SEC16B: variants seen among roughly 807,000 people sequenced by gnomAD.
The protein encoded by SEC16B is protein transport protein Sec16B.
A neutral mutation model predicts 141.8 loss-of-function variants in SEC16B; 115 were observed. The ratio of observed to expected loss-of-function variants is 0.81; its 90% CI spans 0.70 to 0.95. SEC16B has a LOEUF of 0.95. Among genes scored for constraint, SEC16B ranks in the 40% least tolerant of loss-of-function variants. The pLI, the probability that SEC16B is intolerant of heterozygous loss-of-function variation, is 0.00. For missense variants in SEC16B, 1,291 were observed against 1,312.3 expected, an observed-to-expected ratio of 0.98 and a Z score of 0.25; for synonymous variants, 493 against 492.5, an observed-to-expected ratio of 1.00 and a Z score of -0.01.
intron 14 of SEC16B, chr1:177,945,916 G>A (rs763932871): frequency 2.2e-4 from 44 of 203,642 alleles, no homozygotes; most frequent in Non-Finnish European, 4.1e-4. Flanking sequence ...TAATGCTATG[G>A]CCAACAGAGA....
chr1:177,974,108 G>A (rs914272577), upstream of SEC16B, among the ~76,000 whole-genome samples: 1 of 147,806 alleles, frequency 6.8e-6, no homozygotes, highest in African/African-American at 2.6e-5. Context: ...TCAGGCTGTG[G>A]AGATGAAATG....
upstream of SEC16B, among the ~76,000 whole-genome samples, chr1:177,971,213 C>T (rs10798589): frequency 0.14 from 21,960 of 151,950 alleles, 1,912 homozygotes; most frequent in East Asian, 0.41. Flanking sequence ...TCCCGAGTAG[C>T]TGGGATTACA....
chr1:177,970,845 T>C (rs1373024920), upstream of SEC16B, among the ~76,000 whole-genome samples: 1 of 152,200 alleles, frequency 6.6e-6, no homozygotes, highest in African/African-American at 2.4e-5. Flanking sequence ...GTTTATTCTT[T>C]CTCTCAACAA....
chr1:177,968,163 T>G, intron 1 of SEC16B, 124 bp from the exon 2 acceptor site: 1 of 519,964 alleles, frequency 1.9e-6, no homozygotes, highest in Non-Finnish European at 3.3e-6. Flanking sequence ...AACCATATGG[T>G]CACGGATACA....
rs530095207 is a variant in SEC16B at position 177,936,421 on chromosome 1, T to C, written c.2504-56A>G. 169 of 1,454,332 alleles carry C rather than the reference T, an allele frequency of 1.2e-4. 1 individual carries two copies. The South Asian group carries it at 1.9e-3, about 17-fold the overall frequency. 90.1% of individuals were successfully genotyped at this position (1,454,332 alleles called of 1,614,324 possible). On this transcript the variant is annotated intron_variant, in intron 19 of 25. Coordinates refer to ENST00000308284, the MANE Select transcript of SEC16B (RefSeq NM_033127.4). ...TTGGAAGTTGTGCTTTTCCCATCTA[T>C]CCTGAAGAAGGGTAACTGGGACACA...
At chr1:177,984,139 C>T (rs946106547) in intron 1 of SEC16B, 2 of 152,132 alleles carry the variant, frequency 1.3e-5, no homozygotes, top group African/African-American at 2.4e-5. Flanking sequence ...AACTGTATTC[C>T]CTCTTAGCAT....
chr1:177,975,874 C>G (rs750660901), intron 1 of SEC16B, among the ~76,000 whole-genome samples: 7 of 152,214 alleles, frequency 4.6e-5, no homozygotes, highest in Non-Finnish European at 5.9e-5. Flanking sequence ...GACTCCAGCC[C>G]CTTGCTTCAG....
At chr1:177,969,858 A>C (rs940912241) in intron 1 of SEC16B, 26 bp downstream of exon 1, 3 of 152,174 alleles carry the variant, frequency 2.0e-5, no homozygotes, top group African/African-American at 7.2e-5. Flanking sequence ...AAGAGGGGAA[A>C]GAAGGGAGCG....
Position 177,932,502 on chromosome 1 carries a change from C to T in SEC16B, c.3000G>A (p.Leu1000=), listed in dbSNP as rs1650504384. 1.3e-6 allele frequency: 2 copies of T among 1,546,208 alleles called. No homozygotes were observed. The highest frequency in any genetic ancestry group is 1.7e-6 in the Non-Finnish European group (2 of 1,144,992). The part of the protein sequence containing the change: ...GAAAGAGVGG[L]SGPESVSFEL... ...GGGGGCCGCTTACCTCTGGTCCAGA[C>T]AAGCCTCCAACCCCAGCGCCCGCAG... Residue 1000 remains leucine, a synonymous_variant, in exon 24 of 26, where the codon TTG becomes TTA. Transcript: ENST00000308284.
rs183052044 is a variant in SEC16B at position 177,933,576 on chromosome 1, C to A, written c.2632G>T (p.Asp878Tyr). Residue 878 changes from aspartate to tyrosine, a missense_variant, in exon 21 of 26, where the codon GAT becomes TAT. Transcript: ENST00000308284. ...SESSASSAKE[D>Y]EKESSDEADK... ...GCCTCATCAGAGGACTCCTTCTCATCCTCCTTGGCTGAACTGGCGGAACTC... is the reference window on the plus strand; with the variant it reads ...GCCTCATCAGAGGACTCCTTCTCATACTCCTTGGCTGAACTGGCGGAACTC... The A allele has an allele frequency of 2.5e-6, 4 of 1,614,030 alleles. No homozygotes were observed. The highest frequency in any genetic ancestry group is 3.4e-6 in the Non-Finnish European group (4 of 1,179,886).
Position 177,944,695 on chromosome 1 carries a change from A to G in SEC16B, c.1776-29T>C, listed in dbSNP as rs369828685. ...AAACCAGAGAATAACAATAAAAGAG[A>G]TTGAGGTGTGGGGGACGCAGGAGTT... is the stretch of plus-strand genomic sequence containing the variant. On this transcript the variant is annotated intron_variant, in intron 14 of 25. Coordinates refer to ENST00000308284, the MANE Select transcript of SEC16B (RefSeq NM_033127.4). 244 of 1,579,896 alleles carry G rather than the reference A, an allele frequency of 1.5e-4. No individual in the cohort carries two copies. The African/African-American group carries it at 3.0e-3, about 20-fold the overall frequency.
intron 13 of SEC16B, 41 bp downstream of exon 13, chr1:177,947,784 G>A (rs1557976361): frequency 7.9e-7 from 1 of 1,271,542 alleles, no homozygotes. Context: ...GGAGGGAAGG[G>A]ACAGGGAGGG....
intron 18 of SEC16B, among the ~76,000 whole-genome samples, chr1:177,938,645 G>C (rs1396828923): frequency 6.6e-6 from 1 of 152,006 alleles, no homozygotes; most frequent in Non-Finnish European, 1.5e-5. Context: ...ACACTGCCTT[G>C]TATGATCCCT....
At chr1:177,944,056 C>T (rs1340817222) in intron 15 of SEC16B, among the ~76,000 whole-genome samples, 1 of 152,160 alleles carries the variant, frequency 6.6e-6, no homozygotes, top group Admixed American at 6.5e-5. Context: ...AGTATGGACA[C>T]CACCCACACA....
Position 177,940,733 on chromosome 1 carries a change from T to A in SEC16B, c.2023-19A>T, listed in dbSNP as rs764900457. The A allele has an allele frequency of 2.1e-5, 34 of 1,584,328 alleles. No homozygotes were observed. The highest frequency in any genetic ancestry group is 3.3e-5 in the Admixed American group (2 of 59,772). On this transcript the variant is annotated intron_variant, in intron 16 of 25. Transcript: ENST00000308284. Reference sequence around the variant, plus strand: ...CTGCTAGCTGTGCCAGGTTTCCAGATGGGTTAGGGGCAGAAAGTAAGAGAG... The same window carrying A: ...CTGCTAGCTGTGCCAGGTTTCCAGAAGGGTTAGGGGCAGAAAGTAAGAGAG...
At chr1:177,971,225 G>A (rs929104930), upstream of SEC16B, among the ~76,000 whole-genome samples, 30 of 152,212 alleles carry the variant, frequency 2.0e-4, no homozygotes, top group African/African-American at 7.0e-4. Context: ...GGGATTACAG[G>A]TGCGTGCCAC....
intron 1 of SEC16B, among the ~76,000 whole-genome samples, chr1:177,980,015 TAC>T (rs1654339869): frequency 2.6e-5 from 4 of 152,194 alleles, no homozygotes; most frequent in Admixed American, 6.5e-5. Context: ...CTGCTGTCAT[TAC>T]AAGGGAGATG....
At chr1:177,953,452 A>T (rs185011228) in intron 11 of SEC16B, among the ~76,000 whole-genome samples, 2 of 152,310 alleles carry the variant, frequency 1.3e-5, no homozygotes, top group Admixed American at 6.5e-5. Flanking sequence ...GTCTGACCCA[A>T]GTCTGCCCCT....
In SEC16B at chr1:177,961,739, A is replaced by G; in HGVS notation, c.643-5T>C. ...GGACTCACTAGCCAATGATGGCTGA[A>G]AGTTAAAAACAAAAACACACAGGAA... On this transcript the variant is annotated splice_region_variant and splice_polypyrimidine_tract_variant and intron_variant, in intron 5 of 25. Coordinates refer to ENST00000308284, the MANE Select transcript of SEC16B (RefSeq NM_033127.4). 6.2e-7 allele frequency: 1 copy of G among 1,613,128 alleles called. No individual in the cohort carries two copies. The highest frequency in any genetic ancestry group is 1.7e-5 in the Admixed American group (1 of 59,830).
Sources: allele counts gnomAD v4.1 joint callset (sites outside exome capture counted in the v4.1 genomes callset), GRCh38; gene constraint gnomAD v4.1.1; transcripts MANE v1.5; gene names NCBI Gene and HGNC (gene_info 2026-07-23, HGNC 2026-07-21).